The following SYNJ1 variants were observed in gnomAD, a reference collection of about 807,000 sequenced individuals.
SYNJ1 encodes polyphosphatidylinositol phosphatase SYNJ1.
SYNJ1 carries 78 observed loss-of-function variants against 168.2 expected under a neutral mutation model. That is an observed-to-expected ratio of 0.46 (90% CI 0.39 to 0.56). SYNJ1 has a LOEUF of 0.56. Ranked by LOEUF, SYNJ1 falls within the 20% of genes least tolerant of loss-of-function variation. The pLI is 0.00. For synonymous variants in SYNJ1, 539 were observed against 548.6 expected, an observed-to-expected ratio of 0.98 and a Z score of 0.24; for missense variants, 1,303 against 1,597.6, an observed-to-expected ratio of 0.82 and a Z score of 3.14.
At position 32,690,448 on chromosome 21, in the gene SYNJ1, G is replaced by A. The variant is rs2041982027; in HGVS notation, c.790-2081C>T. The stretch of plus-strand genomic sequence containing the variant: ...GATGGTCTTGAACTCCTGGTCTCAA[G>A]TAATCCTCCCATCATGGCCTCCTAG... On this transcript the variant is annotated intron_variant, in intron 6 of 32. Transcript: ENST00000674351. 1.3e-5 allele frequency among the ~76,000 whole-genome samples: 2 copies of A among 152,182 alleles called. 1 individual carries two copies. The highest frequency in any genetic ancestry group is 4.1e-4 in the South Asian group (2 of 4,826).
chr21:32,708,324 C>T (rs1290166784), intron 2 of SYNJ1, among the ~76,000 whole-genome samples: 1 of 152,210 alleles, frequency 6.6e-6, no homozygotes, highest in Non-Finnish European at 1.5e-5. Flanking sequence ...CACTTTCCTG[C>T]TAGTGCAGTC....
chr21:32,644,545 C>T (rs1339854268), intron 26 of SYNJ1, among the ~76,000 whole-genome samples: 4 of 152,176 alleles, frequency 2.6e-5, no homozygotes, highest in African/African-American at 7.2e-5. Flanking sequence ...ACCAAATAAA[C>T]TATACTTCAA....
In SYNJ1 at chr21:32,670,521, T is replaced by C. The variant is rs1306021034; in HGVS notation, c.1727-149A>G. ...CATATTAAAGGCAAACACTCTTGAGTGGAATGAAATTATTAAAATTTACTT... is the reference window on the plus strand; with the variant it reads ...CATATTAAAGGCAAACACTCTTGAGCGGAATGAAATTATTAAAATTTACTT... On this transcript the variant is annotated intron_variant, in intron 14 of 32. Transcript: ENST00000674351. 4.5e-6 allele frequency: 3 copies of C among 669,442 alleles called. No homozygotes were observed. The Admixed American group carries it at 9.6e-5, about 21-fold the overall frequency. 41.5% of individuals were successfully genotyped at this position (669,442 alleles called of 1,614,324 possible). A position where few individuals can be genotyped will look rare whatever the true frequency, so the allele number is the denominator to read the frequency against.
chr21:32,699,142 T>C (rs1262885541), intron 4 of SYNJ1, among the ~76,000 whole-genome samples: 1 of 152,004 alleles, frequency 6.6e-6, no homozygotes, highest in Non-Finnish European at 1.5e-5. Context: ...TCTCTAGACA[T>C]AACAACTGCT....
intron 15 of SYNJ1, 53 bp from the exon 16 acceptor site, chr21:32,666,626 T>C: frequency 6.5e-7 from 1 of 1,548,864 alleles, no homozygotes; most frequent in Non-Finnish European, 8.8e-7. Flanking sequence ...GACAATAGCC[T>C]ATTTTATGAC....
At chr21:32,634,245 A>G (rs2039465732) in intron 32 of SYNJ1, among the ~76,000 whole-genome samples, 1 of 152,228 alleles carries the variant, frequency 6.6e-6, no homozygotes, top group African/African-American at 2.4e-5. Flanking sequence ...CAGACTTGAA[A>G]TTACAATGAC....
chr21:32,689,460 C>A (rs915577133), intron 6 of SYNJ1, among the ~76,000 whole-genome samples: 15 of 152,162 alleles, frequency 9.9e-5, no homozygotes, highest in African/African-American at 3.6e-4. Context: ...CCACGCCCAG[C>A]TAATTTTTGT....
intron 4 of SYNJ1, among the ~76,000 whole-genome samples, chr21:32,699,310 G>A (rs1196158516): frequency 6.6e-6 from 1 of 152,158 alleles, no homozygotes; most frequent in Non-Finnish European, 1.5e-5. Context: ...TTCTCACCAA[G>A]GTTTGGGGGA....
At position 32,681,656 on chromosome 21, in the gene SYNJ1, A is replaced by C. The variant is rs2041628679; in HGVS notation, c.1201-8T>G. On this transcript the variant is annotated splice_polypyrimidine_tract_variant and splice_region_variant and intron_variant, in intron 10 of 32. Coordinates refer to ENST00000674351, the MANE Select transcript of SYNJ1 (RefSeq NM_203446.3). Reference sequence around the variant, plus strand: ...CAACTGTTTAGCTAGCATCTTAAAAAGCAAACAAGAAATTTTTATAAGTAC... The same window carrying C: ...CAACTGTTTAGCTAGCATCTTAAAACGCAAACAAGAAATTTTTATAAGTAC... 6.2e-7 allele frequency: 1 copy of C among 1,603,602 alleles called. No individual in the cohort carries two copies. Among genetic ancestry groups the C allele is most frequent in the Non-Finnish European group, 8.5e-7 (1 of 1,176,802 alleles).
In SYNJ1 at chr21:32,650,277, T is replaced by G; in HGVS notation, c.2944A>C (p.Ser982Arg). 2 of 1,614,088 alleles carry G rather than the reference T, an allele frequency of 1.2e-6. No homozygotes were observed. The highest frequency in any genetic ancestry group is 1.7e-6 in the Non-Finnish European group (2 of 1,179,990). The change falls in exon 23 of 33, where the codon AGT becomes CGT. Residue 982 changes from serine to arginine, a missense_variant. By Grantham distance (110) the Ser-to-Arg change is moderately radical. Transcript: ENST00000674351. ...DWIKNLEEEM[S>R]LEKISIALPS... ...AATGCAATGCTAATTTTCTCTAAAC[T>G]CATTTCTTCTTCCAAATTTTTGATC... is the stretch of plus-strand genomic sequence containing the variant.
At chr21:32,676,946 A>G (rs769417591) in intron 12 of SYNJ1, among the ~76,000 whole-genome samples, 5 of 152,216 alleles carry the variant, frequency 3.3e-5, no homozygotes, top group Non-Finnish European at 7.3e-5. Context: ...AACCTCATAA[A>G]AATAGTAGCA....
chr21:32,631,221 G>C lies in SYNJ1; in HGVS notation c.*584C>G. On this transcript the variant is annotated 3_prime_UTR_variant, in exon 33 of 33. Coordinates refer to ENST00000674351, the MANE Select transcript of SYNJ1 (RefSeq NM_203446.3). ...CTGATTACCCAGTAAGTCTGAACAA[G>C]CTGACTTTGACTTCCCTTTCACACC... 6.2e-7 allele frequency: 1 copy of C among 1,614,140 alleles called. No individual in the cohort carries two copies. Among genetic ancestry groups the C allele is most frequent in the Non-Finnish European group, 8.5e-7 (1 of 1,180,040 alleles).
chr21:32,647,069 G>A (rs1004275753), intron 23 of SYNJ1, among the ~76,000 whole-genome samples: 1 of 152,020 alleles, frequency 6.6e-6, no homozygotes. Flanking sequence ...ACAAAGACCC[G>A]CTTTGCTTTA....
chr21:32,679,209 A>C lies in SYNJ1; in HGVS notation c.1354-408T>G, dbSNP rs538250849. Reference sequence around the variant, plus strand: ...ATGGGAGATAAAAGAAGATACACTGAGCTTAACTGCCCCTAGAAAAACTTC... The same window carrying C: ...ATGGGAGATAAAAGAAGATACACTGCGCTTAACTGCCCCTAGAAAAACTTC... On this transcript the variant is annotated intron_variant, in intron 11 of 32. Transcript: ENST00000674351. 1.6e-4 allele frequency among the ~76,000 whole-genome samples: 25 copies of C among 152,316 alleles called. No homozygotes were observed. In the East Asian group the frequency reaches 4.6e-3, roughly 28 times the overall value.
chr21:32,702,784 C>T (rs951077503), intron 2 of SYNJ1, among the ~76,000 whole-genome samples: 2 of 152,192 alleles, frequency 1.3e-5, no homozygotes, highest in Non-Finnish European at 2.9e-5. Context: ...ACACTCAACT[C>T]ACCTCCTGGC....
intron 4 of SYNJ1, among the ~76,000 whole-genome samples, 177 bp downstream of exon 4, chr21:32,699,661 C>G (rs185344667): frequency 6.6e-6 from 1 of 152,208 alleles, no homozygotes; most frequent in African/African-American, 2.4e-5. Flanking sequence ...ACCCAGAAAT[C>G]TTTTGGGAGA....
In SYNJ1 at chr21:32,631,393, G is replaced by A; in HGVS notation, c.*412C>T. The A allele has an allele frequency of 6.2e-7, 1 of 1,614,194 alleles. No individual in the cohort carries two copies. The highest frequency in any genetic ancestry group is 1.3e-5 in the African/African-American group (1 of 75,046). ...TTATGACCAAGAGGCTGCAGAGAAG[G>A]GAAAGGACTGATAGTAACGGGCTCT... On this transcript the variant is annotated 3_prime_UTR_variant, in exon 33 of 33. Transcript: ENST00000674351.
chr21:32,666,555 G>T lies in SYNJ1; in HGVS notation c.1830C>A (p.Leu610=). The part of the protein sequence containing the change: ...IVSASTTNQK[L]WAVELQKTIS... ...TTGTCTTCTGAAGTTCTACAGCCCA[G>T]AGCTTCTGATTTGTTGTGCTACAAG... The change falls in exon 16 of 33, where the codon CTC becomes CTA. Residue 610 remains leucine, a synonymous_variant. Coordinates refer to ENST00000674351, the MANE Select transcript of SYNJ1 (RefSeq NM_203446.3). The T allele has an allele frequency of 6.2e-7, 1 of 1,612,382 alleles. No individual in the cohort carries two copies. Among genetic ancestry groups the T allele is most frequent in the Non-Finnish European group, 8.5e-7 (1 of 1,179,558 alleles).
chr21:32,702,667 C>T (rs1218416547), intron 2 of SYNJ1, among the ~76,000 whole-genome samples: 3 of 152,142 alleles, frequency 2.0e-5, no homozygotes, highest in Non-Finnish European at 4.4e-5. Context: ...AGGACAAATA[C>T]AAATAATACA....
Sources: gnomAD v4.1 joint callset for allele counts (sites outside exome capture counted in the v4.1 genomes callset) on GRCh38, gnomAD v4.1.1 for gene constraint, MANE v1.5 for transcripts, NCBI Gene and HGNC (gene_info 2026-07-23, HGNC 2026-07-21) for gene names.